The following UNC13A variants were observed in gnomAD, a reference collection of about 807,000 sequenced individuals.
The protein encoded by UNC13A is unc-13 homolog A, also known as protein unc-13 homolog A.
Under a neutral mutation model 219.7 loss-of-function variants are expected in UNC13A, and 61 were observed. The observed-to-expected ratio is 0.28, with a 90% CI of 0.23 to 0.34. The LOEUF (loss-of-function observed/expected upper bound fraction) is 0.34, where lower values mean the gene tolerates loss of function less well. Among genes scored for constraint, UNC13A ranks in the 10% least tolerant of loss-of-function variants. The pLI, the probability that UNC13A is intolerant of heterozygous loss-of-function variation, is 1.00. For synonymous variants in UNC13A, 920 were observed against 884.6 expected (o/e 1.04, Z -0.71); for missense variants, 1,476 against 2,270.3 (o/e 0.65, Z 7.11).
At position 17,606,427 on chromosome 19, in the gene UNC13A, C is replaced by T. The variant is rs561113602; in HGVS notation, c.4812-73G>A. On this transcript the variant is annotated intron_variant, in intron 43 of 43. Coordinates refer to ENST00000519716, the MANE Select transcript of UNC13A (RefSeq NM_001080421.3). The stretch of plus-strand genomic sequence containing the variant: ...GCCCCGCCCACGGCCCCGTCCCCAC[C>T]GCATTTGCGGGCCACGCCCACACCG... 2.7e-4 allele frequency: 408 copies of T among 1,504,524 alleles called. 4 individuals carry two copies. In the Middle Eastern group the frequency reaches 4.5e-3, roughly 16 times the overall value. 93.2% of individuals were successfully genotyped at this position (1,504,524 alleles called of 1,614,324 possible). A position where few individuals can be genotyped will look rare whatever the true frequency, so the allele number is the denominator to read the frequency against.
intron 1 of UNC13A, among the ~76,000 whole-genome samples, chr19:17,680,363 C>G (rs950352616): frequency 1.3e-5 from 2 of 152,124 alleles, no homozygotes; most frequent in Non-Finnish European, 2.9e-5. Context: ...TCGGGTCACA[C>G]GCATGAGGCT....
At chr19:17,661,392 T>C (rs1428389359) in intron 8 of UNC13A, among the ~76,000 whole-genome samples, 1 of 152,086 alleles carries the variant, frequency 6.6e-6, no homozygotes, top group Non-Finnish European at 1.5e-5. Context: ...GAGGCAGATT[T>C]ATCCTCAAAA....
intron 37 of UNC13A, among the ~76,000 whole-genome samples, chr19:17,621,084 C>A (rs567188166): frequency 2.0e-5 from 3 of 152,112 alleles, no homozygotes; most frequent in Non-Finnish European, 4.4e-5. Context: ...ATCCCAGCAC[C>A]CAAGTCTACA....
chr19:17,670,234 C>T (rs1296237061), intron 4 of UNC13A, among the ~76,000 whole-genome samples: 2 of 151,248 alleles, frequency 1.3e-5, no homozygotes, highest in African/African-American at 2.4e-5. Context: ...GCATGAGCCA[C>T]CATGCCCGGC....
chr19:17,669,258 G>A (rs943123204), intron 5 of UNC13A, among the ~76,000 whole-genome samples: 15 of 152,152 alleles, frequency 9.9e-5, no homozygotes, highest in African/African-American at 3.4e-4. Flanking sequence ...CACTGTTGCA[G>A]TCTCAGGCAT....
intron 1 of UNC13A, among the ~76,000 whole-genome samples, chr19:17,684,516 C>A (rs559192390): frequency 6.6e-6 from 1 of 152,330 alleles, no homozygotes; most frequent in East Asian, 1.9e-4. Flanking sequence ...GTGGCATTTA[C>A]CATTCACAGC....
At chr19:17,626,150 TATCC>T (rs35036813) in intron 34 of UNC13A, 31,589 of 148,868 alleles carry the variant, frequency 0.21, 3,756 homozygotes, top group Admixed American at 0.33. Flanking sequence ...TCCAACCATT[TATCC>T]ATCCATCCAT....
At chr19:17,671,176 T>C (rs1444904242) in intron 4 of UNC13A, among the ~76,000 whole-genome samples, 1 of 151,436 alleles carries the variant, frequency 6.6e-6, no homozygotes, top group Non-Finnish European at 1.5e-5. Context: ...TAGAGAGAAG[T>C]CAGAGAGGGC....
In UNC13A at chr19:17,629,338, G is replaced by C. The variant is rs2076817358; in HGVS notation, c.3670-15C>G. ...TTACTGATGGTCTGGGGAAGACACA[G>C]AGTGTGGGTGAGAGGAGAGGCTGGC... On this transcript the variant is annotated splice_polypyrimidine_tract_variant and intron_variant, in intron 30 of 43. Coordinates refer to ENST00000519716, the MANE Select transcript of UNC13A (RefSeq NM_001080421.3). The C allele has an allele frequency of 6.2e-7, 1 of 1,602,356 alleles. No individual in the cohort carries two copies. The highest frequency in any genetic ancestry group is 1.3e-5 in the African/African-American group (1 of 74,778).
intron 12 of UNC13A, among the ~76,000 whole-genome samples, chr19:17,650,634 C>G (rs955032639): frequency 6.6e-6 from 1 of 152,108 alleles, no homozygotes; most frequent in South Asian, 2.1e-4. Context: ...CCCACCACAA[C>G]GCCTGGCTAA....
At chr19:17,675,300 C>T (rs2079875706) in intron 2 of UNC13A, among the ~76,000 whole-genome samples, 1 of 151,838 alleles carries the variant, frequency 6.6e-6, no homozygotes. Flanking sequence ...CACCACGGCA[C>T]TCCAGCCTCA....
intron 17 of UNC13A, 108 bp downstream of exon 17, chr19:17,647,157 G>A (rs2077035962): frequency 9.5e-7 from 1 of 1,055,604 alleles, no homozygotes; most frequent in Non-Finnish European, 1.4e-6. Flanking sequence ...GCACCCGACC[G>A]AGTGAGTGCG....
Position 17,674,886 on chromosome 19 carries a change from A to AC in UNC13A, c.53-131dup. 1.4e-6 allele frequency: 1 copy of AC among 696,764 alleles called. No individual in the cohort carries two copies. Among genetic ancestry groups the AC allele is most frequent in the Non-Finnish European group, 2.5e-6 (1 of 406,054 alleles). The allele number at this position is 696,764 out of a possible 1,614,324, so 43.2% of individuals were successfully genotyped here. ...CACTCACCCCCTAACCCACAACCCC[A>AC]CCCTCAGGGCACAAGGGAGGGGCCT... On this transcript the variant is annotated intron_variant, in intron 2 of 43. Coordinates refer to ENST00000519716, the MANE Select transcript of UNC13A (RefSeq NM_001080421.3). This position sits in a 1 kb window ranked among gnomAD's most constrained non-coding sequence, Gnocchi z 5.0.
Position 17,610,085 on chromosome 19 carries a change from C to A in UNC13A, c.4666G>T (p.Asp1556Tyr). ...ATGCCAGAAGTCTGCCACTTGAGGT[C>A]ATTGGCAGCCACCACTGTTGGAGGA... ...KVTVKVVAAN[D>Y]LKWQTSGIFR... The change falls in exon 43 of 44, where the codon GAC becomes TAC. Residue 1556 changes from aspartate (D) to tyrosine (Y), a missense_variant. By Grantham distance (160) the Asp-to-Tyr change is radical. This residue lies in a region of UNC13A where 77 missense variants were observed against 94.8 expected (regional missense o/e 0.81). Coordinates refer to ENST00000519716, the MANE Select transcript of UNC13A (RefSeq NM_001080421.3). The A allele has an allele frequency of 6.2e-7, 1 of 1,614,056 alleles. No individual in the cohort carries two copies. Among genetic ancestry groups the A allele is most frequent in the Non-Finnish European group, 8.5e-7 (1 of 1,179,896 alleles).
rs77633710 is a variant in UNC13A at position 17,629,447 on chromosome 19, C to T, written c.3670-124G>A. On this transcript the variant is annotated intron_variant, in intron 30 of 43. Transcript: ENST00000519716. ...AACCCTATTAGGACCTAAGATGGGCCTTTGGGCTAGGCAAATTCTCCACTC... is the reference window on the plus strand; with the variant it reads ...AACCCTATTAGGACCTAAGATGGGCTTTTGGGCTAGGCAAATTCTCCACTC... The T allele has an allele frequency of 6.8e-3, 5,422 of 797,412 alleles. 216 individuals carry two copies. In the African/African-American group the frequency reaches 0.085, roughly 12 times the overall value. The allele number at this position is 797,412 out of a possible 1,614,324, so 49.4% of individuals were successfully genotyped here.
intron 8 of UNC13A, among the ~76,000 whole-genome samples, 197 bp from the exon 9 acceptor site, chr19:17,658,466 G>A (rs1018249451): frequency 6.6e-6 from 1 of 152,184 alleles, no homozygotes; most frequent in Non-Finnish European, 1.5e-5. Context: ...TTTGCTTTAT[G>A]TGGGTCAAAT....
chr19:17,623,268 G>A (rs571881261), intron 36 of UNC13A: 6 of 440,632 alleles, frequency 1.4e-5, no homozygotes, highest in African/African-American at 6.2e-5. Flanking sequence ...GGTCCGCTGC[G>A]AAGGAGGAGC....
At chr19:17,646,772 C>T (rs1222183806) in intron 17 of UNC13A, among the ~76,000 whole-genome samples, 1 of 152,190 alleles carries the variant, frequency 6.6e-6, no homozygotes, top group Non-Finnish European at 1.5e-5. Flanking sequence ...ATCCTCAGGT[C>T]TGTTTATGGG....
chr19:17,648,269 C>A (rs1034317485), intron 16 of UNC13A, among the ~76,000 whole-genome samples, 162 bp downstream of exon 16: 7 of 151,254 alleles, frequency 4.6e-5, no homozygotes, highest in Non-Finnish European at 1.0e-4. Context: ...TTAACCCCAC[C>A]CCTCCCTTTC....
Sources: gnomAD v4.1 joint callset for allele counts (sites outside exome capture counted in the v4.1 genomes callset) on GRCh38, gnomAD v4.1.1 for gene constraint, gnomAD v4.1.1 regional missense constraint, Gnocchi (gnomAD v3.1) non-coding constraint, MANE v1.5 for transcripts, NCBI Gene and HGNC (gene_info 2026-07-23, HGNC 2026-07-21) for gene names.